Variants in NOX4 observed in about 807,000 individuals in gnomAD.
NOX4 encodes the protein NADPH oxidase 4, also known as kidney oxidase-1.
In NOX4, 69 loss-of-function variants were observed where a neutral mutation model predicts 87.6. The ratio of observed to expected loss-of-function variants is 0.79; its 90% confidence interval spans 0.65 to 0.96. NOX4 has a LOEUF of 0.96. NOX4 is among the 40% of genes least tolerant of loss of function. The pLI is 0.00. For missense variants in NOX4, 680 were observed against 681.5 expected (o/e 1.00, Z 0.02); for synonymous variants, 275 against 238.2 (o/e 1.15, Z -1.42).
upstream of NOX4, among the ~76,000 whole-genome samples, chr11:89,492,866 A>G (rs1946893780): frequency 6.6e-6 from 1 of 152,140 alleles, no homozygotes. Flanking sequence ...ATGAGTTGAG[A>G]AGCGTGAAAC....
intron 11 of NOX4, among the ~76,000 whole-genome samples, chr11:89,385,034 A>G (rs544215617): frequency 2.3e-4 from 35 of 152,118 alleles, no homozygotes; most frequent in African/African-American, 7.9e-4. Context: ...TTCCACATCT[A>G]TCCTTGAGGC....
intron 13 of NOX4, among the ~76,000 whole-genome samples, chr11:89,351,803 T>C (rs1946467083): frequency 1.3e-5 from 2 of 152,040 alleles, no homozygotes; most frequent in Non-Finnish European, 1.5e-5. Flanking sequence ...ACTACTCACA[T>C]AGGCAGTAAG....
chr11:89,518,365 GA>G, the NOX4 span, among the ~76,000 whole-genome samples: 1 of 100,966 alleles, frequency 9.9e-6, no homozygotes, highest in East Asian at 2.9e-4. Context: ...AATGACTGCA[GA>G]AAGTCTTGGG....
chr11:89,465,139 A>G (rs1272810809), intron 2 of NOX4, among the ~76,000 whole-genome samples: 2 of 151,784 alleles, frequency 1.3e-5, no homozygotes, highest in East Asian at 3.9e-4. Context: ...TCCCTCCCCT[A>G]GCCCCCCACC....
intron 2 of NOX4, among the ~76,000 whole-genome samples, chr11:89,461,335 ATAAAT>A (rs764636871): frequency 7.9e-5 from 12 of 152,068 alleles, no homozygotes; most frequent in South Asian, 2.1e-4. Flanking sequence ...AAACAAAAAA[ATAAAT>A]TAATTAAAAA....
the NOX4 span, among the ~76,000 whole-genome samples, chr11:89,519,176 A>C: frequency 6.6e-6 from 1 of 152,114 alleles, no homozygotes; most frequent in East Asian, 1.9e-4. Context: ...CTATGTTTGA[A>C]GCAAATGAAA....
the NOX4 span, among the ~76,000 whole-genome samples, chr11:89,508,551 G>A: frequency 1.3e-5 from 2 of 152,170 alleles, no homozygotes; most frequent in Non-Finnish European, 2.9e-5. Context: ...ATAATCATGT[G>A]ACAAATGACA....
At chr11:89,354,666 T>C (rs896755287) in intron 13 of NOX4, among the ~76,000 whole-genome samples, 5 of 152,140 alleles carry the variant, frequency 3.3e-5, no homozygotes, top group Middle Eastern at 3.2e-3. Flanking sequence ...ACTGTCCCTG[T>C]TGATATGACA....
intron 11 of NOX4, among the ~76,000 whole-genome samples, chr11:89,385,300 T>C (rs1018032750): frequency 7.2e-5 from 11 of 152,184 alleles, no homozygotes; most frequent in African/African-American, 2.2e-4. Context: ...AGTCATTCAC[T>C]GCAAGGGTCA....
the NOX4 span, among the ~76,000 whole-genome samples, chr11:89,517,281 T>C: frequency 6.6e-6 from 1 of 152,074 alleles, no homozygotes; most frequent in African/African-American, 2.4e-5. Context: ...TGTCCTGCTA[T>C]ATTTCTTAAG....
chr11:89,457,403 G>A (rs1400244657), intron 2 of NOX4, among the ~76,000 whole-genome samples: 1 of 152,154 alleles, frequency 6.6e-6, no homozygotes, highest in African/African-American at 2.4e-5. Flanking sequence ...GACCACTTCA[G>A]GCTCACTCCC....
chr11:89,338,489 C>A (rs949836574), intron 15 of NOX4, among the ~76,000 whole-genome samples: 1 of 152,044 alleles, frequency 6.6e-6, no homozygotes, highest in Admixed American at 6.6e-5. Flanking sequence ...GCTTTTAATT[C>A]TTCTAGGTAC....
chr11:89,430,946 T>C (rs1316395326), intron 7 of NOX4, among the ~76,000 whole-genome samples: 1 of 152,150 alleles, frequency 6.6e-6, no homozygotes, highest in African/African-American at 2.4e-5. Flanking sequence ...GCTACCTGAC[T>C]TCAAACAATA....
chr11:89,513,025 A>T, the NOX4 span, among the ~76,000 whole-genome samples: 2 of 152,036 alleles, frequency 1.3e-5, no homozygotes, highest in Non-Finnish European at 2.9e-5. Flanking sequence ...TGAAACTATA[A>T]TATTTTCACA....
At chr11:89,502,120 T>C (rs1457855882), upstream of NOX4, among the ~76,000 whole-genome samples, 1 of 152,032 alleles carries the variant, frequency 6.6e-6, no homozygotes, top group East Asian at 1.9e-4. Flanking sequence ...TGGGCCCCCT[T>C]GAAGAGGATT....
At chr11:89,336,458 G>A (rs1395771634) in intron 16 of NOX4, among the ~76,000 whole-genome samples, 2 of 151,914 alleles carry the variant, frequency 1.3e-5, no homozygotes, top group African/African-American at 2.4e-5. Flanking sequence ...AATTGTCATC[G>A]TAAATTTGGG....
At chr11:89,454,785 C>T (rs528542096) in intron 2 of NOX4, among the ~76,000 whole-genome samples, 28 of 152,210 alleles carry the variant, frequency 1.8e-4, no homozygotes, top group African/African-American at 6.3e-4. Flanking sequence ...ACAGAACAGT[C>T]GCCAGGCTAA....
the NOX4 span, among the ~76,000 whole-genome samples, chr11:89,542,764 T>G: frequency 6.6e-6 from 1 of 152,130 alleles, no homozygotes; most frequent in African/African-American, 2.4e-5. Flanking sequence ...GGTTTCTAAT[T>G]AAAGTGTTGA....
chr11:89,355,328 T>C (rs887264290), intron 12 of NOX4, among the ~76,000 whole-genome samples: 2 of 147,638 alleles, frequency 1.4e-5, no homozygotes, highest in Admixed American at 1.4e-4. Context: ...TATATTCATA[T>C]ATATATTTTA....
Sources: allele counts gnomAD v4.1 joint callset (sites outside exome capture counted in the v4.1 genomes callset), GRCh38; gene constraint gnomAD v4.1.1; transcripts MANE v1.5; gene names NCBI Gene and HGNC (gene_info 2026-07-23, HGNC 2026-07-21).